Variants in ATP10B observed in about 807,000 individuals in gnomAD.
ATP10B encodes the protein ATPase phospholipid transporting 10B (putative).
In ATP10B, 122 loss-of-function variants were observed where a neutral mutation model predicts 141.2. The ratio of observed to expected loss-of-function variants is 0.86; its 90% CI spans 0.75 to 1.00. The LOEUF is 1.00. Among genes scored for constraint, ATP10B ranks in the 50% least tolerant of loss-of-function variants. The probability of loss-of-function intolerance (pLI) is 0.00; values close to 1 mark genes in which losing one functional copy is unlikely to be tolerated. For missense variants in ATP10B, 1,876 were observed against 1,825.3 expected (o/e 1.03, Z -0.51); for synonymous variants, 685 against 692.0 (o/e 0.99, Z 0.16).
At chr5:160,893,151 G>GT in the ATP10B span, among the ~76,000 whole-genome samples, 1,018 of 151,592 alleles carry the variant, frequency 6.7e-3, 15 homozygotes, top group African/African-American at 0.022. Context: ...AGCTGCAGGA[G>GT]TTTTTTTTTC....
At chr5:160,640,436 T>C in intron 10 of ATP10B, 25 bp downstream of exon 10, 1 of 1,611,786 alleles carries the variant, frequency 6.2e-7, no homozygotes, top group South Asian at 1.1e-5. Context: ...TACTGTGTCC[T>C]TGTTCTTTCC....
intron 2 of ATP10B, among the ~76,000 whole-genome samples, chr5:160,774,258 G>A (rs1212198519): frequency 6.6e-6 from 1 of 152,202 alleles, no homozygotes; most frequent in Non-Finnish European, 1.5e-5. Context: ...TGAGGACGGA[G>A]TTCTCCACAG....
At chr5:160,634,857 T>G (rs890279214) in intron 11 of ATP10B, among the ~76,000 whole-genome samples, 6 of 152,118 alleles carry the variant, frequency 3.9e-5, no homozygotes, top group African/African-American at 1.2e-4. Flanking sequence ...TGGGAGGGAG[T>G]GAGAGAGACT....
At chr5:160,873,542 G>T in the ATP10B span, among the ~76,000 whole-genome samples, 1 of 152,332 alleles carries the variant, frequency 6.6e-6, no homozygotes, top group African/African-American at 2.4e-5. Context: ...CAAGTTGGCC[G>T]AATAGGAACA....
chr5:160,827,801 A>T (rs540139797), intron 1 of ATP10B, among the ~76,000 whole-genome samples: 8 of 152,164 alleles, frequency 5.3e-5, no homozygotes, highest in Non-Finnish European at 1.0e-4. Context: ...CTAGCCAGTT[A>T]TCCCAGCACA....
At chr5:160,872,988 G>A in the ATP10B span, among the ~76,000 whole-genome samples, 2 of 151,930 alleles carry the variant, frequency 1.3e-5, no homozygotes, top group East Asian at 1.9e-4. Context: ...CACAATATTG[G>A]TTCTACCCAT....
rs936837387 is a variant in ATP10B, at chr5:160,564,855, C to G, written c.*598G>C. On this transcript the variant is annotated 3_prime_UTR_variant, in exon 26 of 26. Coordinates refer to ENST00000327245, the MANE Select transcript of ATP10B (RefSeq NM_025153.3). Reference sequence around the variant, plus strand: ...GTCTGTGACACTGAGTTCAAATCCACTTTTCTTTCTGGCTTTTAGTAGTAG... The same window carrying G: ...GTCTGTGACACTGAGTTCAAATCCAGTTTTCTTTCTGGCTTTTAGTAGTAG... 3.9e-5 allele frequency: 6 copies of G among 152,932 alleles called. No homozygotes were observed. The highest frequency in any genetic ancestry group is 3.3e-4 in the Admixed American group (5 of 15,336). The allele number at this position is 152,932 out of a possible 1,614,324, so 9.5% of individuals were successfully genotyped here.
the ATP10B span, among the ~76,000 whole-genome samples, chr5:160,868,870 C>T: frequency 6.6e-6 from 1 of 152,124 alleles, no homozygotes; most frequent in African/African-American, 2.4e-5. Context: ...CATAGTATTA[C>T]ACATGCAATC....
chr5:160,575,750 T>C (rs11957490), intron 24 of ATP10B, among the ~76,000 whole-genome samples: 2,761 of 152,284 alleles, frequency 0.018, 82 homozygotes, highest in African/African-American at 0.062. Flanking sequence ...GATTCATTTA[T>C]TTAACAGATA....
At chr5:160,638,528 G>C (rs985323567) in intron 10 of ATP10B, among the ~76,000 whole-genome samples, 3 of 152,090 alleles carry the variant, frequency 2.0e-5, no homozygotes, top group Non-Finnish European at 4.4e-5. Flanking sequence ...CCCTCCCCCA[G>C]GTGCTCTCCT....
At chr5:160,909,811 G>T in the ATP10B span, among the ~76,000 whole-genome samples, 1 of 152,160 alleles carries the variant, frequency 6.6e-6, no homozygotes, top group Non-Finnish European at 1.5e-5. Context: ...AATCACAACT[G>T]CAGAGAGTGC....
chr5:160,857,133 A>G (rs1754019659), upstream of ATP10B, among the ~76,000 whole-genome samples: 1 of 151,852 alleles, frequency 6.6e-6, no homozygotes, highest in East Asian at 1.9e-4. Flanking sequence ...CAGAATTTGA[A>G]TTAATTTTTC....
intron 10 of ATP10B, 47 bp from the exon 11 acceptor site, chr5:160,636,356 C>A (rs190071837): frequency 1.3e-6 from 2 of 1,586,058 alleles, no homozygotes; most frequent in Admixed American, 3.6e-5. Flanking sequence ...CTACTAAGTC[C>A]TAAAGTTGGT....
chr5:160,758,449 T>A (rs1768795193), intron 2 of ATP10B, among the ~76,000 whole-genome samples: 1 of 152,186 alleles, frequency 6.6e-6, no homozygotes, highest in South Asian at 2.1e-4. Context: ...CATCCCTATA[T>A]CAGAAGGCTT....
At chr5:160,909,190 A>T in the ATP10B span, among the ~76,000 whole-genome samples, 1 of 152,202 alleles carries the variant, frequency 6.6e-6, no homozygotes, top group Non-Finnish European at 1.5e-5. Flanking sequence ...TTCAGCCCAG[A>T]CTATGAGGAA....
chr5:160,739,078 AG>A (rs1168095678), intron 2 of ATP10B, among the ~76,000 whole-genome samples: 1 of 152,226 alleles, frequency 6.6e-6, no homozygotes, highest in East Asian at 1.9e-4. Flanking sequence ...AATAACGCAA[AG>A]GAGAAACTCC....
intron 2 of ATP10B, among the ~76,000 whole-genome samples, chr5:160,737,635 C>T (rs1767212820): frequency 6.6e-6 from 1 of 151,942 alleles, no homozygotes; most frequent in Non-Finnish European, 1.5e-5. Context: ...AATAAAAAAT[C>T]CTATTTATAA....
chr5:160,815,723 C>T (rs191245745), intron 1 of ATP10B, among the ~76,000 whole-genome samples: 272 of 152,272 alleles, frequency 1.8e-3, no homozygotes, highest in African/African-American at 6.4e-3. Flanking sequence ...TTTTCACCAC[C>T]ACACAATACC....
At chr5:160,731,513 G>A (rs953588539) in intron 2 of ATP10B, among the ~76,000 whole-genome samples, 1 of 152,214 alleles carries the variant, frequency 6.6e-6, no homozygotes, top group African/African-American at 2.4e-5. Flanking sequence ...TGTAGAATCT[G>A]GTCAAGTAGT....
Sources: allele counts gnomAD v4.1 joint callset (sites outside exome capture counted in the v4.1 genomes callset), GRCh38; gene constraint gnomAD v4.1.1; transcripts MANE v1.5; gene names NCBI Gene and HGNC (gene_info 2026-07-23, HGNC 2026-07-21).